RNF169: variants seen among roughly 807,000 people sequenced by gnomAD.
RNF169 encodes ring finger protein 169, also known as E3 ubiquitin-protein ligase RNF169.
In RNF169, 24 loss-of-function variants were observed where a neutral mutation model predicts 53.9. The observed-to-expected ratio is 0.45, with a 90% CI of 0.32 to 0.63. The LOEUF (loss-of-function observed/expected upper bound fraction) is 0.63. Among genes scored for constraint, RNF169 ranks in the 20% least tolerant of loss-of-function variants. The probability of loss-of-function intolerance (pLI) is 0.04; values close to 1 mark genes in which losing one functional copy is unlikely to be tolerated. For synonymous variants in RNF169, 396 were observed against 363.5 expected (o/e 1.09, Z -1.02); for missense variants, 883 against 906.2 (o/e 0.97, Z 0.33).
At chr11:74,767,377 A>G (rs1446328129) in intron 1 of RNF169, among the ~76,000 whole-genome samples, 1 of 151,972 alleles carries the variant, frequency 6.6e-6, no homozygotes, top group Non-Finnish European at 1.5e-5. Context: ...AAAAAACTAG[A>G]ACATGTGGAA....
intron 1 of RNF169, among the ~76,000 whole-genome samples, chr11:74,782,288 G>A (rs1316313898): frequency 6.6e-6 from 1 of 152,070 alleles, no homozygotes; most frequent in African/African-American, 2.4e-5. Flanking sequence ...AAGATGAAGA[G>A]GTAGGCAGAT....
chr11:74,823,535 A>C (rs2036046776), intron 4 of RNF169, among the ~76,000 whole-genome samples: 2 of 152,116 alleles, frequency 1.3e-5, no homozygotes, highest in South Asian at 2.1e-4. Context: ...CTGGAGTTTG[A>C]GACTAGTGTG....
chr11:74,753,245 G>T (rs1205411186), intron 1 of RNF169, among the ~76,000 whole-genome samples: 2 of 152,218 alleles, frequency 1.3e-5, no homozygotes, highest in Non-Finnish European at 2.9e-5. Flanking sequence ...TGGGATTACA[G>T]GCGGTGAGCC....
intron 1 of RNF169, among the ~76,000 whole-genome samples, chr11:74,751,962 G>T (rs1390814727): frequency 6.6e-6 from 1 of 151,806 alleles, no homozygotes; most frequent in African/African-American, 2.4e-5. Flanking sequence ...GGCCAGGCGC[G>T]GTGGCTCACC....
chr11:74,839,054 T>A lies in RNF169; in HGVS notation c.*2324T>A, dbSNP rs903444557. On this transcript the variant is annotated 3_prime_UTR_variant, in exon 6 of 6. Transcript: ENST00000299563. ...ATATATTTTAAATATTTCCCCAAAT[T>A]AATACTTTCATTTTAAGAATTGCAT... is the stretch of plus-strand genomic sequence containing the variant. 1 of 152,222 alleles carries A rather than the reference T, an allele frequency of 6.6e-6. No individual in the cohort carries two copies. Among genetic ancestry groups the A allele is most frequent in the Non-Finnish European group, 1.5e-5 (1 of 68,036 alleles). 9.4% of individuals were successfully genotyped at this position (152,222 alleles called of 1,614,324 possible). A position where few individuals can be genotyped will look rare whatever the true frequency, so the allele number is the denominator to read the frequency against.
chr11:74,829,972 AAC>A (rs755405209), intron 4 of RNF169, among the ~76,000 whole-genome samples: 7 of 152,188 alleles, frequency 4.6e-5, no homozygotes, highest in Non-Finnish European at 4.4e-5. Context: ...TTAGCTATGT[AAC>A]CTGCACATCC....
chr11:74,750,368 G>A (rs2034867912), intron 1 of RNF169, among the ~76,000 whole-genome samples: 1 of 152,128 alleles, frequency 6.6e-6, no homozygotes, highest in South Asian at 2.1e-4. Context: ...TGTACCTTCT[G>A]TTTTGGGAAT....
chr11:74,800,317 T>G (rs931966980), intron 2 of RNF169, among the ~76,000 whole-genome samples: 1 of 152,170 alleles, frequency 6.6e-6, no homozygotes, highest in African/African-American at 2.4e-5. Flanking sequence ...GAGAGTAAAC[T>G]TTTTTGTTTA....
At chr11:74,758,316 C>T (rs1289044486) in intron 1 of RNF169, among the ~76,000 whole-genome samples, 26 of 144,524 alleles carry the variant, frequency 1.8e-4, no homozygotes, top group South Asian at 8.9e-4. Flanking sequence ...TGTTGGTATG[C>T]GGCGTTATTT....
intron 2 of RNF169, among the ~76,000 whole-genome samples, chr11:74,791,140 A>T (rs2035573736): frequency 6.6e-6 from 1 of 152,150 alleles, no homozygotes. Flanking sequence ...TCGTCCGGAC[A>T]TCTACTCAGC....
At chr11:74,756,520 A>G (rs1299098286) in intron 1 of RNF169, among the ~76,000 whole-genome samples, 1 of 152,220 alleles carries the variant, frequency 6.6e-6, no homozygotes, top group Non-Finnish European at 1.5e-5. Context: ...ATGAAGAGCT[A>G]GGTCAACAAA....
chr11:74,807,021 A>C (rs1445530446), intron 2 of RNF169, among the ~76,000 whole-genome samples: 2 of 152,226 alleles, frequency 1.3e-5, no homozygotes, highest in African/African-American at 4.8e-5. Context: ...AGTGTGGCTG[A>C]GTATGAGATT....
intron 1 of RNF169, among the ~76,000 whole-genome samples, chr11:74,789,214 A>G (rs1445550632): frequency 6.6e-6 from 1 of 152,202 alleles, no homozygotes; most frequent in African/African-American, 2.4e-5. Context: ...TACCTTACTC[A>G]GTATATTAAT....
chr11:74,755,778 C>T (rs896799899), intron 1 of RNF169, among the ~76,000 whole-genome samples: 1 of 152,112 alleles, frequency 6.6e-6, no homozygotes, highest in African/African-American at 2.4e-5. Context: ...CTTGAAGGTG[C>T]TTGGGATGTT....
In RNF169 at chr11:74,836,218, A is replaced by G. The variant is rs771844222; in HGVS notation, c.1615A>G (p.Ser539Gly). 1.2e-6 allele frequency: 2 copies of G among 1,614,082 alleles called. No individual in the cohort carries two copies. The highest frequency in any genetic ancestry group is 1.7e-6 in the Non-Finnish European group (2 of 1,180,028). ...CCSSELKGGG[S>G]GTSLEREQFE... ...TTCCTCAGAACTCAAAGGGGGAGGCAGTGGGACTTCTTTGGAGAGGGAGCA... is the reference window on the plus strand; with the variant it reads ...TTCCTCAGAACTCAAAGGGGGAGGCGGTGGGACTTCTTTGGAGAGGGAGCA... The change falls in exon 6 of 6, where the codon AGT (serine) becomes GGT (glycine). Residue 539 changes from serine (S) to glycine (G), a missense_variant. Coordinates refer to ENST00000299563, the MANE Select transcript of RNF169 (RefSeq NM_001098638.2).
chr11:74,751,202 C>G (rs566829277), intron 1 of RNF169, among the ~76,000 whole-genome samples: 2 of 152,150 alleles, frequency 1.3e-5, no homozygotes, highest in Non-Finnish European at 1.5e-5. Flanking sequence ...CACAACATCC[C>G]TATGAGATAA....
chr11:74,841,798 G>C lies in RNF169; in HGVS notation c.*5068G>C, dbSNP rs2036587737. ...TACCATAGTTCAAGAGTAGCTGTTG[G>C]CCCTGGTTCCAGATTAATATAGCAG... is the stretch of plus-strand genomic sequence containing the variant. On this transcript the variant is annotated 3_prime_UTR_variant, in exon 6 of 6. Coordinates refer to ENST00000299563, the MANE Select transcript of RNF169 (RefSeq NM_001098638.2). The C allele has an allele frequency of 1.3e-5, 2 of 152,148 alleles. No individual in the cohort carries two copies. The highest frequency in any genetic ancestry group is 2.9e-5 in the Non-Finnish European group (2 of 68,030). The allele number at this position is 152,148 out of a possible 1,614,324, so 9.4% of individuals were successfully genotyped here.
intron 3 of RNF169, among the ~76,000 whole-genome samples, chr11:74,812,176 T>C (rs1320249803): frequency 6.6e-6 from 1 of 152,242 alleles, no homozygotes. Context: ...AATTCTGATT[T>C]GTTCTTGATA....
chr11:74,810,468 G>A (rs2035860571), intron 3 of RNF169, 138 bp downstream of exon 3: 2 of 796,822 alleles, frequency 2.5e-6, no homozygotes, highest in Admixed American at 2.3e-5. Flanking sequence ...GAGTAGTGAA[G>A]AACTTACGTC....
Sources: allele counts gnomAD v4.1 joint callset (sites outside exome capture counted in the v4.1 genomes callset), GRCh38; gene constraint gnomAD v4.1.1; transcripts MANE v1.5; gene names NCBI Gene and HGNC (gene_info 2026-07-23, HGNC 2026-07-21).